Variants in EXOC6B observed in about 807,000 individuals in gnomAD.
EXOC6B encodes the protein SEC15 homolog B.
A neutral mutation model predicts 113.5 loss-of-function variants in EXOC6B; 54 were observed. The ratio of observed to expected loss-of-function variants is 0.48; its 90% confidence interval spans 0.38 to 0.60. EXOC6B has a LOEUF of 0.60. Among genes scored for constraint, EXOC6B ranks in the 20% least tolerant of loss-of-function variants. The pLI, the probability that EXOC6B is intolerant of heterozygous loss-of-function variation, is 0.00. For missense variants in EXOC6B, 797 were observed against 977.5 expected, an observed-to-expected ratio of 0.82 and a Z score of 2.46; for synonymous variants, 357 against 339.0, an observed-to-expected ratio of 1.05 and a Z score of -0.58.
At position 72,334,947 on chromosome 2, in the gene EXOC6B, T is replaced by C. The variant is rs1688604578; in HGVS notation, c.2196A>G (p.Gln732=). 6.2e-6 allele frequency: 10 copies of C among 1,613,198 alleles called. No individual in the cohort carries two copies. Among genetic ancestry groups the C allele is most frequent in the Non-Finnish European group, 3.4e-6 (4 of 1,179,394 alleles). Residue 732 remains glutamine, a splice_region_variant and synonymous_variant, in exon 20 of 22, where the codon CAA becomes CAG. Transcript: ENST00000272427. ...TLQLAFIDLR[Q]LLDLFIQWDW... ...AAAAAACAAAAACACAAAGACTTAC[T>C]TGTCTCAAGTCGATGAAGGCCAACT...
chr2:72,673,518 T>C (rs999412550), intron 6 of EXOC6B, among the ~76,000 whole-genome samples: 1 of 152,290 alleles, frequency 6.6e-6, no homozygotes, highest in South Asian at 2.1e-4. Context: ...ATGTTTAACA[T>C]TATGTAAGCC....
chr2:72,295,569 T>A (rs1379146544), intron 20 of EXOC6B, among the ~76,000 whole-genome samples: 1 of 152,138 alleles, frequency 6.6e-6, no homozygotes. Context: ...GTTTAATGAG[T>A]GTTTATATGA....
At chr2:72,545,579 G>A (rs1558781844) in intron 8 of EXOC6B, among the ~76,000 whole-genome samples, 1 of 152,182 alleles carries the variant, frequency 6.6e-6, no homozygotes, top group Non-Finnish European at 1.5e-5. Flanking sequence ...ACAATTCAGA[G>A]TGAGGTAGTC....
intron 6 of EXOC6B, among the ~76,000 whole-genome samples, chr2:72,604,704 T>C (rs768297354): frequency 5.9e-5 from 9 of 152,196 alleles, no homozygotes; most frequent in Non-Finnish European, 8.8e-5. Flanking sequence ...AACCAGCTTA[T>C]ATTAAAATAA....
chr2:72,600,940 G>A (rs936460342), intron 6 of EXOC6B, among the ~76,000 whole-genome samples: 2 of 151,346 alleles, frequency 1.3e-5, no homozygotes, highest in African/African-American at 4.9e-5. Context: ...GTAAGAAAAT[G>A]AACAACCCTA....
chr2:72,561,082 G>A (rs939181807), intron 7 of EXOC6B, among the ~76,000 whole-genome samples: 10 of 151,798 alleles, frequency 6.6e-5, no homozygotes, highest in Non-Finnish European at 1.3e-4. Flanking sequence ...CTCCTCTTTC[G>A]GACTGCAAAG....
At chr2:72,423,897 A>C (rs1241917729) in intron 18 of EXOC6B, among the ~76,000 whole-genome samples, 2 of 152,152 alleles carry the variant, frequency 1.3e-5, no homozygotes, top group Non-Finnish European at 1.5e-5. Flanking sequence ...TTCATTACAC[A>C]TTACTGAGAA....
At chr2:72,401,797 C>G (rs1291883446) in intron 18 of EXOC6B, among the ~76,000 whole-genome samples, 2 of 145,242 alleles carry the variant, frequency 1.4e-5, no homozygotes, top group East Asian at 4.1e-4. Flanking sequence ...TAAAAAGAAT[C>G]AGATACCCAG....
Position 72,643,958 on chromosome 2 carries a change from T to C in EXOC6B, c.670-68290A>G, listed in dbSNP as rs1673478714. ...TGGATGGAGAATGACTTTGACAAGC[T>C]GACAGAAGTAGACTTCAGAAGGTCG... On this transcript the variant is annotated intron_variant, in intron 6 of 21. Coordinates refer to ENST00000272427, the MANE Select transcript of EXOC6B (RefSeq NM_015189.3). Among the ~76,000 whole-genome samples the C allele has an allele frequency of 2.0e-5, 3 of 152,042 alleles. No homozygotes were observed. In the South Asian group the frequency reaches 6.2e-4, roughly 32 times the overall value.
intron 20 of EXOC6B, among the ~76,000 whole-genome samples, chr2:72,185,863 T>C (rs1414240095): frequency 1.3e-5 from 2 of 152,144 alleles, no homozygotes; most frequent in Admixed American, 6.5e-5. Context: ...ATTTACATTA[T>C]GTATATCTCC....
intron 20 of EXOC6B, among the ~76,000 whole-genome samples, chr2:72,191,845 G>A (rs1678854604): frequency 6.6e-6 from 1 of 152,206 alleles, no homozygotes; most frequent in African/African-American, 2.4e-5. Flanking sequence ...AAATAATTCA[G>A]ATGGATGAGT....
chr2:72,569,073 T>A (rs1478706083), intron 7 of EXOC6B, among the ~76,000 whole-genome samples: 1 of 152,072 alleles, frequency 6.6e-6, no homozygotes, highest in Non-Finnish European at 1.5e-5. Flanking sequence ...ACAGAACGTC[T>A]AAAGCATGCC....
chr2:72,212,601 C>G (rs1271634679), intron 20 of EXOC6B, among the ~76,000 whole-genome samples: 1 of 152,062 alleles, frequency 6.6e-6, no homozygotes, highest in South Asian at 2.1e-4. Flanking sequence ...GGAAATGGAC[C>G]AAGAATTTGC....
chr2:72,542,002 A>T (rs1310992037), intron 8 of EXOC6B, among the ~76,000 whole-genome samples: 2 of 152,176 alleles, frequency 1.3e-5, no homozygotes, highest in Non-Finnish European at 2.9e-5. Flanking sequence ...TAAAAAGTAT[A>T]TCAACATTTC....
chr2:72,379,447 A>C (rs1691550266), intron 19 of EXOC6B, among the ~76,000 whole-genome samples: 1 of 152,178 alleles, frequency 6.6e-6, no homozygotes, highest in Non-Finnish European at 1.5e-5. Flanking sequence ...GGTTTTCTTT[A>C]GTGTCTATTA....
At chr2:72,318,398 AT>A (rs558172381) in intron 20 of EXOC6B, among the ~76,000 whole-genome samples, 182 of 146,194 alleles carry the variant, frequency 1.2e-3, no homozygotes, top group Middle Eastern at 3.5e-3. Flanking sequence ...CTAGTTGTTA[AT>A]TTTTTTTTTT....
At chr2:72,802,796 G>A (rs1266029358) in intron 1 of EXOC6B, among the ~76,000 whole-genome samples, 1 of 152,112 alleles carries the variant, frequency 6.6e-6, no homozygotes, top group African/African-American at 2.4e-5. Context: ...TACAGCAGTG[G>A]TTCTCAAAGT....
intron 6 of EXOC6B, among the ~76,000 whole-genome samples, chr2:72,623,244 A>C (rs1671854301): frequency 2.6e-5 from 4 of 152,164 alleles, no homozygotes; most frequent in Admixed American, 2.0e-4. Flanking sequence ...TTCCAAGGTC[A>C]TATCTTCATC....
chr2:72,321,748 T>G (rs1193708952), intron 20 of EXOC6B, among the ~76,000 whole-genome samples: 1 of 152,176 alleles, frequency 6.6e-6, no homozygotes, highest in Non-Finnish European at 1.5e-5. Context: ...CGAAGAGTCA[T>G]TGCAAAGAGG....
Sources: gnomAD v4.1 joint callset for allele counts (sites outside exome capture counted in the v4.1 genomes callset) on GRCh38, gnomAD v4.1.1 for gene constraint, MANE v1.5 for transcripts, NCBI Gene and HGNC (gene_info 2026-07-23, HGNC 2026-07-21) for gene names.